ADAMTS17: variants seen among roughly 807,000 people sequenced by gnomAD.
ADAMTS17 encodes ADAM metallopeptidase with thrombospondin type 1 motif 17, also known as A disintegrin and metalloproteinase with thrombospondin motifs 17.
A neutral mutation model predicts 141.5 loss-of-function variants in ADAMTS17; 113 were observed. The observed-to-expected ratio is 0.80, with a 90% CI of 0.69 to 0.93. The LOEUF is 0.93. Ranked by LOEUF, ADAMTS17 falls within the 40% of genes least tolerant of loss-of-function variation. ADAMTS17 has a pLI of 0.00. For synonymous variants in ADAMTS17, 768 were observed against 630.6 expected, an observed-to-expected ratio of 1.22 and a Z score of -3.27; for missense variants, 1,659 against 1,517.9, an observed-to-expected ratio of 1.09 and a Z score of -1.54.
intron 3 of ADAMTS17, among the ~76,000 whole-genome samples, chr15:100,287,356 T>G (rs960774969): frequency 1.3e-5 from 2 of 152,060 alleles, no homozygotes; most frequent in African/African-American, 4.8e-5. Context: ...AAAAAAAGAA[T>G]GAATAAAACC....
At chr15:99,978,147 T>A (rs1274947692) in intron 20 of ADAMTS17, among the ~76,000 whole-genome samples, 1 of 152,170 alleles carries the variant, frequency 6.6e-6, no homozygotes, top group Non-Finnish European at 1.5e-5. Flanking sequence ...AGAAAGGACC[T>A]TCCTGGGGGT....
intron 7 of ADAMTS17, among the ~76,000 whole-genome samples, chr15:100,232,176 A>G (rs1034384529): frequency 1.3e-5 from 2 of 152,364 alleles, no homozygotes. Context: ...AGGCAGCTCT[A>G]GATTTCATTA....
At chr15:100,166,958 T>C (rs1196028505) in intron 8 of ADAMTS17, among the ~76,000 whole-genome samples, 2 of 152,250 alleles carry the variant, frequency 1.3e-5, no homozygotes, top group Non-Finnish European at 1.5e-5. Flanking sequence ...GCTATTGGTA[T>C]GTAGCCTAGG....
At chr15:100,187,811 G>A (rs77229536) in intron 8 of ADAMTS17, among the ~76,000 whole-genome samples, 1,867 of 152,204 alleles carry the variant, frequency 0.012, 50 homozygotes, top group African/African-American at 0.041. Context: ...CTCACATCTC[G>A]GCTTCTGCCC....
intron 18 of ADAMTS17, among the ~76,000 whole-genome samples, chr15:100,026,941 C>T (rs1404468729): frequency 3.3e-5 from 5 of 152,222 alleles, no homozygotes; most frequent in African/African-American, 9.7e-5. Context: ...AATGGCTCCA[C>T]GTCCTTGCCA....
chr15:100,331,086 G>C (rs780420511), intron 2 of ADAMTS17, 32 bp from the exon 3 acceptor site: 1 of 1,613,402 alleles, frequency 6.2e-7, no homozygotes, highest in South Asian at 1.1e-5. Flanking sequence ...ACGCGATGTC[G>C]GTCATCCTCA....
chr15:100,278,125 T>C (rs934469002), intron 4 of ADAMTS17, among the ~76,000 whole-genome samples: 2 of 151,786 alleles, frequency 1.3e-5, no homozygotes, highest in African/African-American at 4.8e-5. Context: ...AGAATGGAGG[T>C]TGGCAGGGGC....
intron 7 of ADAMTS17, among the ~76,000 whole-genome samples, chr15:100,243,335 T>C (rs1053171659): frequency 6.6e-6 from 1 of 152,170 alleles, no homozygotes; most frequent in African/African-American, 2.4e-5. Flanking sequence ...CTTTTGGGAG[T>C]GTATCAAGAA....
At position 100,076,655 on chromosome 15, in the gene ADAMTS17, T is replaced by A. The variant is rs187637189; in HGVS notation, c.2137+19701A>T. 1.3e-3 allele frequency among the ~76,000 whole-genome samples: 204 copies of A among 152,336 alleles called. 1 individual carries two copies. Among genetic ancestry groups the A allele is most frequent in the African/African-American group, 4.8e-3 (199 of 41,578 alleles). Reference sequence around the variant, plus strand: ...TTTCCTTGGTTTACAGTGAAATTCGTTAGGACATAGATTTATTGATATCAG... The same window carrying A: ...TTTCCTTGGTTTACAGTGAAATTCGATAGGACATAGATTTATTGATATCAG... On this transcript the variant is annotated intron_variant, in intron 15 of 21. Transcript: ENST00000268070.
intron 7 of ADAMTS17, among the ~76,000 whole-genome samples, chr15:100,247,743 T>C (rs2043031565): frequency 6.6e-6 from 1 of 152,144 alleles, no homozygotes; most frequent in Non-Finnish European, 1.5e-5. Flanking sequence ...ACACCGTCCA[T>C]TACCCACACC....
chr15:100,321,533 A>G (rs2045733881), intron 3 of ADAMTS17, among the ~76,000 whole-genome samples: 1 of 152,236 alleles, frequency 6.6e-6, no homozygotes, highest in African/African-American at 2.4e-5. Flanking sequence ...AACATTTACC[A>G]AAATAAAACC....
At position 100,038,887 on chromosome 15, in the gene ADAMTS17, G is replaced by C. The variant is rs540275456; in HGVS notation, c.2591+9970C>G. On this transcript the variant is annotated intron_variant, in intron 18 of 21. Coordinates refer to ENST00000268070, the MANE Select transcript of ADAMTS17 (RefSeq NM_139057.4). ...ATAGTAAGAGCAGATACTGTGTCTTGCTCCTGATCTTTGGAGAAAAGCATT... is the reference window on the plus strand; with the variant it reads ...ATAGTAAGAGCAGATACTGTGTCTTCCTCCTGATCTTTGGAGAAAAGCATT... Among the ~76,000 whole-genome samples, 8 of 152,342 alleles carry C rather than the reference G, an allele frequency of 5.3e-5. No individual in the cohort carries two copies. The Middle Eastern group carries it at 0.014, about 259-fold the overall frequency.
At chr15:100,249,377 G>A (rs1596359436) in intron 7 of ADAMTS17, among the ~76,000 whole-genome samples, 1 of 152,226 alleles carries the variant, frequency 6.6e-6, no homozygotes, top group Non-Finnish European at 1.5e-5. Flanking sequence ...GATCCCCTTT[G>A]GGAAGCTTTA....
At chr15:100,116,412 T>C (rs2037131901) in intron 13 of ADAMTS17, among the ~76,000 whole-genome samples, 1 of 152,202 alleles carries the variant, frequency 6.6e-6, no homozygotes, top group Non-Finnish European at 1.5e-5. Flanking sequence ...TAGCCAAGGA[T>C]TAAGAGCCAA....
chr15:100,283,504 G>A (rs1370405118), intron 3 of ADAMTS17, among the ~76,000 whole-genome samples: 1 of 152,190 alleles, frequency 6.6e-6, no homozygotes, highest in African/African-American at 2.4e-5. Context: ...GCACACCCTC[G>A]TTCTCCCAGG....
chr15:100,018,359 C>T (rs966810975), intron 18 of ADAMTS17, among the ~76,000 whole-genome samples: 5 of 152,150 alleles, frequency 3.3e-5, no homozygotes, highest in South Asian at 4.1e-4. Context: ...AAATATCTCC[C>T]GATATGGGTT....
chr15:100,223,093 GCAC>G (rs1468641898), intron 7 of ADAMTS17, among the ~76,000 whole-genome samples: 1 of 152,128 alleles, frequency 6.6e-6, no homozygotes, highest in Admixed American at 6.5e-5. Flanking sequence ...TTCTCTTACT[GCAC>G]CACAAGGAAA....
intron 18 of ADAMTS17, among the ~76,000 whole-genome samples, chr15:99,998,615 A>G (rs1249913409): frequency 6.6e-6 from 1 of 152,124 alleles, no homozygotes; most frequent in Non-Finnish European, 1.5e-5. Context: ...CAAAAAATAA[A>G]AACAAAAAAT....
At chr15:100,199,518 G>T in intron 7 of ADAMTS17, 95 bp from the exon 8 acceptor site, 1 of 1,003,848 alleles carries the variant, frequency 1.0e-6, no homozygotes, top group Non-Finnish European at 1.6e-6. Context: ...CACAATCAAG[G>T]CAGGCACACG....
Sources: allele counts gnomAD v4.1 joint callset (sites outside exome capture counted in the v4.1 genomes callset), GRCh38; gene constraint gnomAD v4.1.1; transcripts MANE v1.5; gene names NCBI Gene and HGNC (gene_info 2026-07-23, HGNC 2026-07-21).